The following RPP30 variants were observed in gnomAD, a reference collection of about 807,000 sequenced individuals.
RPP30 encodes ribonuclease P/MRP subunit p30, also known as ribonuclease P protein subunit p30.
RPP30 carries 36 observed loss-of-function variants against 38.6 expected under a neutral mutation model. That is an observed-to-expected ratio of 0.93 (90% CI 0.71 to 1.23). The LOEUF (loss-of-function observed/expected upper bound fraction) is 1.23. RPP30 is among the 50% of genes most tolerant of loss of function. The pLI, the probability that RPP30 is intolerant of heterozygous loss-of-function variation, is 0.00. For synonymous variants in RPP30, 126 were observed against 112.7 expected (o/e 1.12, Z -0.75); for missense variants, 321 against 321.7 (o/e 1.00, Z 0.02).
At chr10:90,874,731 A>G (rs997981068) in intron 1 of RPP30, 138 bp from the exon 2 acceptor site, 13 of 464,362 alleles carry the variant, frequency 2.8e-5, no homozygotes, top group African/African-American at 1.8e-4. Flanking sequence ...TAAATCAGGC[A>G]GACTGACACT....
chr10:90,886,807 A>G (rs1293388643), intron 6 of RPP30, among the ~76,000 whole-genome samples: 3 of 152,212 alleles, frequency 2.0e-5, no homozygotes, highest in African/African-American at 7.2e-5. Flanking sequence ...AAGTTTTTCA[A>G]AGGATAATTC....
chr10:90,885,915 C>CCA lies in RPP30; in HGVS notation c.432+15_432+16dup. ...CCTATTAATGTGGTAAGTGTACTTT[C>CCA]CATTCTGTATTTGAATCTTAGAAAC... On this transcript the variant is annotated intron_variant, in intron 6 of 10. Coordinates refer to ENST00000371703, the MANE Select transcript of RPP30 (RefSeq NM_006413.5). 6.7e-7 allele frequency: 1 copy of CCA among 1,490,154 alleles called. No homozygotes were observed. Among genetic ancestry groups the CCA allele is most frequent in the Non-Finnish European group, 9.3e-7 (1 of 1,079,718 alleles). 92.3% of individuals were successfully genotyped at this position (1,490,154 alleles called of 1,614,324 possible). A position where few individuals can be genotyped will look rare whatever the true frequency, so the allele number is the denominator to read the frequency against.
At chr10:90,883,300 A>AT (rs2120199104) in intron 5 of RPP30, among the ~76,000 whole-genome samples, 1 of 152,154 alleles carries the variant, frequency 6.6e-6, no homozygotes, top group East Asian at 1.9e-4. Flanking sequence ...AAAAAAAAAA[A>AT]AAAAAATTGG....
At chr10:90,895,126 C>T in intron 7 of RPP30, 1 of 576,700 alleles carries the variant, frequency 1.7e-6, no homozygotes. Flanking sequence ...TAAAAATTTG[C>T]AATTTACATA....
downstream of RPP30, among the ~76,000 whole-genome samples, chr10:90,906,919 A>T (rs922749531): frequency 6.6e-6 from 1 of 152,144 alleles, no homozygotes; most frequent in Non-Finnish European, 1.5e-5. Flanking sequence ...AGAACCTTAT[A>T]AAAAAATTGA....
At chr10:90,904,404 T>C (rs1847231900), downstream of RPP30, among the ~76,000 whole-genome samples, 1 of 152,228 alleles carries the variant, frequency 6.6e-6, no homozygotes, top group Non-Finnish European at 1.5e-5. Context: ...GGGCAAATTA[T>C]GTAACCTCTC....
chr10:90,876,519 T>C (rs1220871146), intron 4 of RPP30, among the ~76,000 whole-genome samples: 1 of 152,206 alleles, frequency 6.6e-6, no homozygotes, highest in Non-Finnish European at 1.5e-5. Flanking sequence ...TCTGGGAGTA[T>C]GTAACCTGAG....
intron 2 of RPP30, 33 bp from the exon 3 acceptor site, chr10:90,875,525 C>T: frequency 6.4e-7 from 1 of 1,573,074 alleles, no homozygotes; most frequent in Non-Finnish European, 8.7e-7. Flanking sequence ...TTAATGGATA[C>T]AATCTGCAGT....
intron 2 of RPP30, 128 bp from the exon 3 acceptor site, chr10:90,875,430 C>A: frequency 1.4e-6 from 1 of 702,036 alleles, no homozygotes; most frequent in Non-Finnish European, 2.4e-6. Context: ...TTTTTGAATA[C>A]CAGAAATCAC....
chr10:90,895,254 T>G, intron 7 of RPP30, 200 bp from the exon 8 acceptor site: 1 of 487,648 alleles, frequency 2.1e-6, no homozygotes. Flanking sequence ...TAGGAAAACA[T>G]ATTTTGTTTT....
intron 5 of RPP30, 102 bp from the exon 6 acceptor site, chr10:90,885,710 C>T: frequency 1.4e-6 from 1 of 716,004 alleles, no homozygotes; most frequent in Non-Finnish European, 2.4e-6. Context: ...CATCAAAACA[C>T]CTATGGAGTG....
downstream of RPP30, among the ~76,000 whole-genome samples, chr10:90,905,027 T>C (rs188716950): frequency 6.6e-6 from 1 of 152,252 alleles, no homozygotes; most frequent in Non-Finnish European, 1.5e-5. Flanking sequence ...AAAATAATAA[T>C]CTTGGATTGC....
At chr10:90,895,506 T>G (rs748703600) in intron 8 of RPP30, 23 bp downstream of exon 8, 34 of 1,318,254 alleles carry the variant, frequency 2.6e-5, no homozygotes, top group African/African-American at 3.1e-5. Flanking sequence ...TGAAGTACTT[T>G]GTTTTCATCT....
chr10:90,891,098 C>T (rs898736760), intron 6 of RPP30, among the ~76,000 whole-genome samples: 12 of 152,192 alleles, frequency 7.9e-5, no homozygotes, highest in African/African-American at 2.4e-4. Flanking sequence ...ATTACAAATA[C>T]GTTTACTGAT....
At chr10:90,900,249 C>T (rs561162834) in intron 10 of RPP30, among the ~76,000 whole-genome samples, 5 of 152,160 alleles carry the variant, frequency 3.3e-5, no homozygotes, top group Non-Finnish European at 5.9e-5. Context: ...GTCTGTCTAC[C>T]ATATATAAAG....
At position 90,901,363 on chromosome 10, in the gene RPP30, CTT is replaced by C; in HGVS notation, c.*685_*686del. 2 of 981,298 alleles carry C rather than the reference CTT, an allele frequency of 2.0e-6. No homozygotes were observed. Among genetic ancestry groups the C allele is most frequent in the South Asian group, 9.4e-5 (2 of 21,182 alleles). 60.8% of individuals were successfully genotyped at this position (981,298 alleles called of 1,614,324 possible). A position where few individuals can be genotyped will look rare whatever the true frequency, so the allele number is the denominator to read the frequency against. On this transcript the variant is annotated 3_prime_UTR_variant, in exon 11 of 11. Transcript: ENST00000371703. ...AGTAGTTATTTTGAAGATATTCAAA[CTT>C]ATATTGAAGAAGTGACTTTAGTTCC...
intron 6 of RPP30, among the ~76,000 whole-genome samples, chr10:90,893,697 C>T (rs1847107710): frequency 1.3e-5 from 2 of 152,186 alleles, no homozygotes; most frequent in African/African-American, 4.8e-5. Context: ...TCTGAAAGTG[C>T]ACCTTCCTCT....
chr10:90,889,821 G>A (rs117057210), intron 6 of RPP30, among the ~76,000 whole-genome samples: 1,714 of 152,066 alleles, frequency 0.011, 18 homozygotes, highest in South Asian at 0.027. Flanking sequence ...TATGCTTAGG[G>A]CACCATAATT....
intron 6 of RPP30, 46 bp from the exon 7 acceptor site, chr10:90,894,729 G>A (rs1258730102): frequency 2.3e-6 from 3 of 1,302,030 alleles, no homozygotes; most frequent in Non-Finnish European, 3.3e-6. Context: ...AATGAAGTAG[G>A]CCAGTGCATG....
Sources: gnomAD v4.1 joint callset for allele counts (sites outside exome capture counted in the v4.1 genomes callset) on GRCh38, gnomAD v4.1.1 for gene constraint, MANE v1.5 for transcripts, NCBI Gene and HGNC (gene_info 2026-07-23, HGNC 2026-07-21) for gene names.